Variants in DYM observed in about 807,000 individuals in gnomAD.
The protein encoded by DYM is dyggve-Melchior-Clausen syndrome protein.
DYM carries 78 observed loss-of-function variants against 93.1 expected under a neutral mutation model. The ratio of observed to expected loss-of-function variants is 0.84; its 90% confidence interval spans 0.70 to 1.01. The LOEUF is 1.01. Ranked by LOEUF, DYM falls within the 50% of genes least tolerant of loss-of-function variation. The probability of loss-of-function intolerance (pLI) is 0.00; values close to 1 mark genes in which losing one functional copy is unlikely to be tolerated. For synonymous variants in DYM, 321 were observed against 319.7 expected, an observed-to-expected ratio of 1.00 and a Z score of -0.04; for missense variants, 789 against 845.0, an observed-to-expected ratio of 0.93 and a Z score of 0.82.
At chr18:49,399,150 A>T (rs1317856045) in intron 2 of DYM, among the ~76,000 whole-genome samples, 1 of 152,206 alleles carries the variant, frequency 6.6e-6, no homozygotes, top group Non-Finnish European at 1.5e-5. Context: ...AAGCAGACAG[A>T]CAGTTCAGTA....
intron 17 of DYM, among the ~76,000 whole-genome samples, chr18:49,063,669 C>T (rs2076174678): frequency 1.4e-5 from 2 of 138,918 alleles, no homozygotes; most frequent in Admixed American, 7.8e-5. Context: ...TCTTGTCGCC[C>T]AGGATGGAGT....
At chr18:49,127,607 G>C (rs2082942517) in intron 15 of DYM, among the ~76,000 whole-genome samples, 1 of 152,188 alleles carries the variant, frequency 6.6e-6, no homozygotes. Flanking sequence ...GTGGGGAGTA[G>C]GGGGAGGAAA....
At chr18:49,225,469 C>A (rs960965352) in intron 13 of DYM, among the ~76,000 whole-genome samples, 1 of 152,034 alleles carries the variant, frequency 6.6e-6, no homozygotes, top group Non-Finnish European at 1.5e-5. Context: ...TTGAAGGGAA[C>A]AATCTAGTAC....
chr18:49,333,355 G>T (rs1221451133), intron 7 of DYM, among the ~76,000 whole-genome samples: 4 of 152,222 alleles, frequency 2.6e-5, no homozygotes, highest in Non-Finnish European at 5.9e-5. Context: ...AGGGGGCATA[G>T]ATCACAGGTG....
chr18:49,406,406 C>T (rs372911033), intron 2 of DYM, among the ~76,000 whole-genome samples: 2 of 151,822 alleles, frequency 1.3e-5, no homozygotes, highest in Non-Finnish European at 2.9e-5. Flanking sequence ...ACTAAAAATA[C>T]AAAAATTAGC....
At chr18:49,389,717 T>C (rs1157874316) in intron 3 of DYM, among the ~76,000 whole-genome samples, 1 of 151,822 alleles carries the variant, frequency 6.6e-6, no homozygotes, top group Non-Finnish European at 1.5e-5. Context: ...TTGTAAGAGA[T>C]GGGGTCTTAT....
At chr18:49,418,487 T>C (rs1479648333) in intron 2 of DYM, among the ~76,000 whole-genome samples, 1 of 152,178 alleles carries the variant, frequency 6.6e-6, no homozygotes, top group Non-Finnish European at 1.5e-5. Context: ...AAGAAAGATT[T>C]TAGAACCACA....
chr18:49,365,517 A>G (rs939964447), intron 5 of DYM, among the ~76,000 whole-genome samples: 2 of 152,210 alleles, frequency 1.3e-5, no homozygotes, highest in African/African-American at 2.4e-5. Context: ...GCTGTCCAAC[A>G]TAACTCAAGT....
chr18:49,202,902 T>TG (rs1202067871), intron 14 of DYM, among the ~76,000 whole-genome samples: 244 of 127,702 alleles, frequency 1.9e-3, no homozygotes, highest in African/African-American at 5.2e-3. Context: ...GGAGGGAGGT[T>TG]GGGGGGGGTC....
At chr18:49,369,443 T>A (rs2066803001) in intron 5 of DYM, among the ~76,000 whole-genome samples, 1 of 152,210 alleles carries the variant, frequency 6.6e-6, no homozygotes, top group Non-Finnish European at 1.5e-5. Flanking sequence ...CAGAGACCCC[T>A]GGCACTTCTG....
chr18:49,165,370 C>T (rs1234073362), intron 14 of DYM, among the ~76,000 whole-genome samples: 1 of 152,110 alleles, frequency 6.6e-6, no homozygotes, highest in Non-Finnish European at 1.5e-5. Flanking sequence ...AAAGGCAATT[C>T]TGATTCCATG....
At chr18:49,228,108 G>A (rs911129364) in intron 13 of DYM, among the ~76,000 whole-genome samples, 2 of 152,136 alleles carry the variant, frequency 1.3e-5, no homozygotes, top group Admixed American at 6.5e-5. Flanking sequence ...GGCAGATGTT[G>A]AGTTTTTATT....
intron 5 of DYM, among the ~76,000 whole-genome samples, chr18:49,371,794 T>A (rs933897246): frequency 4.6e-5 from 7 of 152,212 alleles, no homozygotes; most frequent in Non-Finnish European, 8.8e-5. Context: ...TATCCTCATA[T>A]AATAATACAA....
intron 11 of DYM, among the ~76,000 whole-genome samples, chr18:49,271,325 A>G (rs2094692112): frequency 6.6e-6 from 1 of 152,166 alleles, no homozygotes; most frequent in Non-Finnish European, 1.5e-5. Flanking sequence ...AAATAACATC[A>G]AAAATAATAA....
chr18:49,446,185 G>GC (rs1474171508), intron 1 of DYM, among the ~76,000 whole-genome samples: 2 of 151,718 alleles, frequency 1.3e-5, no homozygotes, highest in Non-Finnish European at 2.9e-5. Context: ...ACTTTGGGAG[G>GC]CCCAGGCAGG....
At chr18:49,136,974 G>A (rs980700961) in intron 15 of DYM, among the ~76,000 whole-genome samples, 7 of 152,172 alleles carry the variant, frequency 4.6e-5, no homozygotes, top group Non-Finnish European at 7.3e-5. Context: ...AAAACATTGA[G>A]TACTCATACT....
chr18:49,147,428 A>C (rs986441986), intron 15 of DYM, among the ~76,000 whole-genome samples: 1 of 152,186 alleles, frequency 6.6e-6, no homozygotes, highest in Non-Finnish European at 1.5e-5. Context: ...AATGGGAGAA[A>C]ATTTTTGCAG....
At chr18:49,452,245 C>A (rs764971362) in intron 1 of DYM, among the ~76,000 whole-genome samples, 1 of 152,138 alleles carries the variant, frequency 6.6e-6, no homozygotes, top group Admixed American at 6.5e-5. Flanking sequence ...CAGACCTTCG[C>A]GGTGAGTGTT....
intron 16 of DYM, among the ~76,000 whole-genome samples, chr18:49,111,243 C>T (rs538322035): frequency 1.3e-5 from 2 of 152,052 alleles, no homozygotes; most frequent in Admixed American, 6.5e-5. Flanking sequence ...ACGTATTTCA[C>T]AGGCTGTACA....
Sources: allele counts gnomAD v4.1 joint callset (sites outside exome capture counted in the v4.1 genomes callset), GRCh38; gene constraint gnomAD v4.1.1; transcripts MANE v1.5; gene names NCBI Gene and HGNC (gene_info 2026-07-23, HGNC 2026-07-21).